CASZ1: variants seen among roughly 807,000 people sequenced by gnomAD.
CASZ1 encodes castor zinc finger 1.
Under a neutral mutation model 135.2 loss-of-function variants are expected in CASZ1, and 28 were observed. The observed-to-expected ratio is 0.21, with a 90% CI of 0.15 to 0.28. CASZ1 has a LOEUF of 0.28. Ranked by LOEUF, CASZ1 falls within the 10% of genes least tolerant of loss-of-function variation. The pLI is 1.00. For synonymous variants in CASZ1, 1,068 were observed against 1,073.4 expected (o/e 0.99, Z 0.10); for missense variants, 2,161 against 2,453.3 (o/e 0.88, Z 2.52).
intron 2 of CASZ1, among the ~76,000 whole-genome samples, chr1:10,708,346 C>T (rs1320588143): frequency 6.6e-6 from 1 of 152,164 alleles, no homozygotes; most frequent in Non-Finnish European, 1.5e-5. Flanking sequence ...AAAAGCAAAC[C>T]CTGCCCTAAA....
chr1:10,641,165 C>T (rs555949814), intron 20 of CASZ1, among the ~76,000 whole-genome samples: 16 of 152,370 alleles, frequency 1.1e-4, no homozygotes, highest in East Asian at 3.9e-4. Context: ...TGGACAAAAA[C>T]GGAGAGAGAC....
At position 10,651,178 on chromosome 1, in the gene CASZ1, G is replaced by GC. The variant is rs372484698; in HGVS notation, c.2681-103dup. ...GGAGGGAGGGCAGTGGGCTGGGTGGGCCCCGGCTACTGGTCAGCGCTTCTC... is the reference window on the plus strand; with the variant it reads ...GGAGGGAGGGCAGTGGGCTGGGTGGGCCCCCGGCTACTGGTCAGCGCTTCTC... On this transcript the variant is annotated intron_variant, in intron 11 of 20. Transcript: ENST00000377022. 6.1e-6 allele frequency: 6 copies of GC among 978,922 alleles called. No homozygotes were observed. In the East Asian group the frequency reaches 1.9e-4, roughly 30 times the overall value. The allele number at this position is 978,922 out of a possible 1,614,324, so 60.6% of individuals were successfully genotyped here. A position where few individuals can be genotyped will look rare whatever the true frequency, so the allele number is the denominator to read the frequency against.
At chr1:10,668,054 C>T (rs1334396076) in intron 4 of CASZ1, among the ~76,000 whole-genome samples, 5 of 152,238 alleles carry the variant, frequency 3.3e-5, no homozygotes, top group Non-Finnish European at 7.3e-5. Context: ...CTCTCCCTCT[C>T]TTGCTGGTCC....
rs140029522 is a variant in CASZ1 at position 10,649,075 on chromosome 1, G to A, written c.3153C>T (p.His1051=). 3.8e-4 allele frequency: 619 copies of A among 1,612,996 alleles called. 3 individuals carry two copies. In the African/African-American group the frequency reaches 7.3e-3, roughly 19 times the overall value. ...LFSTLDGAIK[H]ANFHFRTEGG... is the part of the protein sequence containing the mutation. ...GCCCCCAGCACCCTACTCACTTTGC[G>A]TGCTTGATGGCCCCGTCCAAGGTGC... Residue 1051 remains histidine (H), a synonymous_variant, in exon 15 of 21, where the codon CAC becomes CAT. Coordinates refer to ENST00000377022, the MANE Select transcript of CASZ1 (RefSeq NM_001079843.3).
intron 4 of CASZ1, among the ~76,000 whole-genome samples, chr1:10,669,093 C>T (rs767305778): frequency 2.6e-5 from 4 of 152,234 alleles, no homozygotes; most frequent in African/African-American, 4.8e-5. Context: ...TTGGGGAAAA[C>T]GGGCATGGAC....
intron 2 of CASZ1, among the ~76,000 whole-genome samples, chr1:10,748,363 C>A (rs148982439): frequency 2.0e-5 from 3 of 152,292 alleles, no homozygotes; most frequent in Non-Finnish European, 4.4e-5. Context: ...CAGACGTTAG[C>A]GACGACAAAT....
At chr1:10,732,198 G>A (rs1174306596) in intron 2 of CASZ1, among the ~76,000 whole-genome samples, 1 of 151,806 alleles carries the variant, frequency 6.6e-6, no homozygotes, top group Middle Eastern at 3.4e-3. Context: ...GGTGGCACAG[G>A]CCTGTAGTCC....
chr1:10,663,553 G>C (rs969225789), intron 5 of CASZ1, among the ~76,000 whole-genome samples: 6 of 152,240 alleles, frequency 3.9e-5, no homozygotes, highest in African/African-American at 1.4e-4. Context: ...GCTAAAAATA[G>C]CTGGAGGCAG....
chr1:10,768,308 G>A (rs929298071), intron 1 of CASZ1, among the ~76,000 whole-genome samples: 4 of 152,120 alleles, frequency 2.6e-5, no homozygotes, highest in African/African-American at 9.7e-5. Context: ...GCCTCCGCCT[G>A]CTGGTTTCAA....
At chr1:10,734,052 C>T (rs1321001679) in intron 2 of CASZ1, among the ~76,000 whole-genome samples, 2 of 152,230 alleles carry the variant, frequency 1.3e-5, no homozygotes, top group African/African-American at 4.8e-5. Context: ...GCAGAGCCAC[C>T]AGCCCAGGAG....
chr1:10,677,400 G>A (rs1013285621), intron 4 of CASZ1, among the ~76,000 whole-genome samples: 10 of 152,140 alleles, frequency 6.6e-5, no homozygotes, highest in East Asian at 1.9e-4. Context: ...TCATGGGTAC[G>A]TCTAAAGTGG....
At chr1:10,750,542 AC>A (rs1640131713) in intron 2 of CASZ1, among the ~76,000 whole-genome samples, 3 of 152,028 alleles carry the variant, frequency 2.0e-5, no homozygotes, top group Admixed American at 2.0e-4. Context: ...CGCTGGGATT[AC>A]AGGCGTGAGC....
chr1:10,662,964 C>A (rs1643098125), intron 5 of CASZ1, among the ~76,000 whole-genome samples: 1 of 152,240 alleles, frequency 6.6e-6, no homozygotes, highest in African/African-American at 2.4e-5. Context: ...AGCCGTGACC[C>A]CAGTGCACAC....
In CASZ1 at chr1:10,657,828, T is replaced by C. The variant is rs1030679159; in HGVS notation, c.1409+680A>G. The stretch of plus-strand genomic sequence containing the variant: ...GGGGCGGGGGGTGTTATTTGTGTGA[T>C]TTGGGGGAATCTGTTGAGGCAAAGG... On this transcript the variant is annotated intron_variant, in intron 7 of 20. Coordinates refer to ENST00000377022, the MANE Select transcript of CASZ1 (RefSeq NM_001079843.3). This position sits in a 1 kb window ranked among gnomAD's most constrained non-coding sequence, Gnocchi z 5.7. 5.3e-5 allele frequency among the ~76,000 whole-genome samples: 8 copies of C among 150,730 alleles called. No individual in the cohort carries two copies. The East Asian group carries it at 1.6e-3, about 30-fold the overall frequency.
intron 4 of CASZ1, among the ~76,000 whole-genome samples, chr1:10,689,767 C>G (rs1214500635): frequency 6.6e-6 from 1 of 152,232 alleles, no homozygotes; most frequent in Non-Finnish European, 1.5e-5. Flanking sequence ...CGTCCACTCA[C>G]CCCCTACTCC....
In CASZ1 at chr1:10,794,380, G is replaced by A. The variant is rs968345285; in HGVS notation, c.-234+2184C>T. Among the ~76,000 whole-genome samples the A allele has an allele frequency of 6.6e-5, 10 of 152,190 alleles. No homozygotes were observed. Among genetic ancestry groups the A allele is most frequent in the African/African-American group, 2.4e-4 (10 of 41,526 alleles). On this transcript the variant is annotated intron_variant, in intron 1 of 20. Transcript: ENST00000377022. This position sits in a 1 kb window ranked among gnomAD's most constrained non-coding sequence, Gnocchi z 5.6. Reference sequence around the variant, plus strand: ...CCCTCGCCACCCCCTGAGTGTACCGGGTGTCGGCGGGACAACTACGCACAA... The same window carrying A: ...CCCTCGCCACCCCCTGAGTGTACCGAGTGTCGGCGGGACAACTACGCACAA...
At chr1:10,648,515 CCGAGGGTGCCTACGCGGT>C (rs1642448328) in intron 15 of CASZ1, 1 of 230,216 alleles carries the variant, frequency 4.3e-6, no homozygotes, top group Non-Finnish European at 8.5e-6. Flanking sequence ...CGGGCTACGG[CCGAGGGTGCCTACGCGGT>C]CGGAAAAGCC....
rs1444219409 is a variant in CASZ1, at chr1:10,747,778, T to C, written c.-77+12923A>G. Among the ~76,000 whole-genome samples, 1 of 150,898 alleles carries C rather than the reference T, an allele frequency of 6.6e-6. No individual in the cohort carries two copies. The highest frequency in any genetic ancestry group is 1.5e-5 in the Non-Finnish European group (1 of 67,878). ...CTCCCCCTCCAGAATGAGCAATCAC[T>C]GGGAGAGGGTACACAGTACACTGTG... On this transcript the variant is annotated intron_variant, in intron 2 of 20. Transcript: ENST00000377022. The surrounding 1 kb of genome is among the most constrained non-coding windows in gnomAD (Gnocchi z 4.3).
chr1:10,763,214 C>T (rs1342139372), intron 1 of CASZ1, among the ~76,000 whole-genome samples: 7 of 152,198 alleles, frequency 4.6e-5, no homozygotes, highest in South Asian at 2.1e-4. Flanking sequence ...AAGTGCAGAG[C>T]GCAGAGGCCG....
Sources: gnomAD v4.1 joint callset for allele counts (sites outside exome capture counted in the v4.1 genomes callset) on GRCh38, gnomAD v4.1.1 for gene constraint, Gnocchi (gnomAD v3.1) non-coding constraint, MANE v1.5 for transcripts, NCBI Gene and HGNC (gene_info 2026-07-23, HGNC 2026-07-21) for gene names.